Variants in CRISPLD2 observed in about 807,000 individuals in gnomAD.
CRISPLD2 encodes cysteine rich secretory protein LCCL domain containing 2.
CRISPLD2 carries 47 observed loss-of-function variants against 71.1 expected under a neutral mutation model. The observed-to-expected ratio is 0.66, with a 90% CI of 0.52 to 0.84. The LOEUF is 0.84. CRISPLD2 is among the 40% of genes least tolerant of loss of function. The probability of loss-of-function intolerance (pLI) is 0.00; values close to 1 mark genes in which losing one functional copy is unlikely to be tolerated. For synonymous variants in CRISPLD2, 317 were observed against 250.1 expected (o/e 1.27, Z -2.52); for missense variants, 830 against 651.1 (o/e 1.27, Z -2.99).
rs760723869 is a variant in CRISPLD2 at position 84,845,781 on chromosome 16, T to C, written c.241-5T>C. On this transcript the variant is annotated splice_region_variant and splice_polypyrimidine_tract_variant and intron_variant, in intron 2 of 14. Coordinates refer to ENST00000262424, the MANE Select transcript of CRISPLD2 (RefSeq NM_031476.4). ...TCCTGGTGCCCGTTTCTCCTTCTCC[T>C]GCAGACCTGGGATGACGAACTGGAG... 6.2e-7 allele frequency: 1 copy of C among 1,605,780 alleles called. No individual in the cohort carries two copies. The highest frequency in any genetic ancestry group is 8.5e-7 in the Non-Finnish European group (1 of 1,173,390).
chr16:84,879,867 TC>T (rs1486042601), intron 12 of CRISPLD2, among the ~76,000 whole-genome samples: 1 of 152,292 alleles, frequency 6.6e-6, no homozygotes, highest in East Asian at 1.9e-4. Flanking sequence ...GGTGGACTGT[TC>T]CAGATAAACA....
At chr16:84,845,928 G>C in intron 3 of CRISPLD2, 24 bp downstream of exon 3, 1 of 1,480,612 alleles carries the variant, frequency 6.8e-7, no homozygotes, top group Non-Finnish European at 9.4e-7. Context: ...GTTCCTCTCC[G>C]GCTGCCGCAG....
rs1378857492 is a variant in CRISPLD2, at chr16:84,838,705, G to T, written c.210G>T (p.Val70=). The change falls in exon 2 of 15, where the codon GTG becomes GTT. Residue 70 remains valine, a synonymous_variant. Coordinates refer to ENST00000262424, the MANE Select transcript of CRISPLD2 (RefSeq NM_031476.4). ...LMLHNKLRGQ[V]QPQASNMEYM... ...TGCACAACAAGCTTCGGGGCCAGGT[G>T]CAGCCTCAGGCCTCCAACATGGAGT... The T allele has an allele frequency of 6.2e-7, 1 of 1,613,826 alleles. No individual in the cohort carries two copies. Among genetic ancestry groups the T allele is most frequent in the African/African-American group, 1.3e-5 (1 of 74,940 alleles).
At chr16:84,898,725 T>A (rs1376024634) in intron 14 of CRISPLD2, among the ~76,000 whole-genome samples, 1 of 152,240 alleles carries the variant, frequency 6.6e-6, no homozygotes, top group Non-Finnish European at 1.5e-5. Flanking sequence ...ACAGCCCTGA[T>A]GCTGCCCAGC....
intron 8 of CRISPLD2, among the ~76,000 whole-genome samples, chr16:84,871,413 C>G (rs1446286394): frequency 6.6e-6 from 1 of 152,140 alleles, no homozygotes; most frequent in Non-Finnish European, 1.5e-5. Context: ...GTTGTGCACA[C>G]CTGTAGTCCC....
At chr16:84,860,202 C>G (rs112823720) in intron 6 of CRISPLD2, among the ~76,000 whole-genome samples, 18 of 152,180 alleles carry the variant, frequency 1.2e-4, no homozygotes, top group Middle Eastern at 3.4e-3. Flanking sequence ...AGTGAAGAAC[C>G]TTTTTTAACT....
intron 1 of CRISPLD2, among the ~76,000 whole-genome samples, chr16:84,825,882 A>G (rs1425109645): frequency 6.6e-6 from 1 of 152,034 alleles, no homozygotes; most frequent in Non-Finnish European, 1.5e-5. Context: ...ACTTGAGCCC[A>G]GGAGGCTGAG....
chr16:84,866,245 T>A (rs1917533191), intron 6 of CRISPLD2, among the ~76,000 whole-genome samples: 1 of 151,372 alleles, frequency 6.6e-6, no homozygotes. Flanking sequence ...TTTGGTTTTT[T>A]TTTTTGAGAT....
chr16:84,900,533 C>A (rs1422207192), intron 14 of CRISPLD2, among the ~76,000 whole-genome samples: 1 of 6,986 alleles, frequency 1.4e-4, no homozygotes, highest in East Asian at 0.042. Flanking sequence ...AGACATCACA[C>A]AGCGCTGGGA....
At chr16:84,901,538 C>T (rs1309783435) in intron 14 of CRISPLD2, among the ~76,000 whole-genome samples, 2 of 143,712 alleles carry the variant, frequency 1.4e-5, no homozygotes, top group Non-Finnish European at 3.0e-5. Flanking sequence ...ATGGTGTGAT[C>T]TCGGCTCATT....
chr16:84,833,567 T>A (rs8055796), intron 1 of CRISPLD2, among the ~76,000 whole-genome samples: 1 of 151,724 alleles, frequency 6.6e-6, no homozygotes, highest in South Asian at 2.1e-4. Flanking sequence ...CCTCACACCC[T>A]GGGTACCGAA....
At chr16:84,848,651 G>A (rs1456938089) in intron 3 of CRISPLD2, among the ~76,000 whole-genome samples, 1 of 152,102 alleles carries the variant, frequency 6.6e-6, no homozygotes. Context: ...ATGTCGGCCA[G>A]GCTGGTCTCC....
intron 14 of CRISPLD2, among the ~76,000 whole-genome samples, chr16:84,889,585 GA>G (rs59814018): frequency 1.6e-4 from 24 of 149,258 alleles, no homozygotes; most frequent in Non-Finnish European, 3.1e-4. Context: ...TTGGGATTAA[GA>G]AAAAAAAAAG....
chr16:84,867,204 A>G (rs1917566338), intron 7 of CRISPLD2, among the ~76,000 whole-genome samples, 164 bp downstream of exon 7: 1 of 152,232 alleles, frequency 6.6e-6, no homozygotes, highest in Non-Finnish European at 1.5e-5. Flanking sequence ...GACGTTTTTC[A>G]AAAACGATAT....
At chr16:84,906,474 C>A in intron 14 of CRISPLD2, 114 bp from the exon 15 acceptor site, 1 of 1,045,514 alleles carries the variant, frequency 9.6e-7, no homozygotes, top group Admixed American at 2.2e-5. Flanking sequence ...TTGGCCATGG[C>A]TCTTCCACTA....
At chr16:84,850,465 C>T (rs1337071162) in intron 4 of CRISPLD2, 103 bp from the exon 5 acceptor site, 24 of 866,056 alleles carry the variant, frequency 2.8e-5, no homozygotes, top group East Asian at 2.2e-4. Context: ...AACCCTTCAC[C>T]TCGTACCTCT....
chr16:84,855,431 CA>C (rs1298728256), intron 6 of CRISPLD2, among the ~76,000 whole-genome samples: 3 of 152,226 alleles, frequency 2.0e-5, no homozygotes, highest in African/African-American at 7.2e-5. Flanking sequence ...GGGCAGGAAG[CA>C]TCCAGCACGG....
chr16:84,840,062 T>C (rs1385189261), intron 2 of CRISPLD2: 2 of 152,756 alleles, frequency 1.3e-5, no homozygotes, highest in African/African-American at 4.8e-5. Flanking sequence ...GTCTGAGTCT[T>C]TGCCACTTTG....
At chr16:84,823,882 T>G (rs954285955) in intron 1 of CRISPLD2, among the ~76,000 whole-genome samples, 2 of 152,204 alleles carry the variant, frequency 1.3e-5, no homozygotes, top group African/African-American at 2.4e-5. Context: ...GTGTTTTATT[T>G]TGAGCACAGA....
Sources: gnomAD v4.1 joint callset for allele counts (sites outside exome capture counted in the v4.1 genomes callset) on GRCh38, gnomAD v4.1.1 for gene constraint, MANE v1.5 for transcripts, NCBI Gene and HGNC (gene_info 2026-07-23, HGNC 2026-07-21) for gene names.